The following ADGRG6 variants were observed in gnomAD, a reference collection of about 807,000 sequenced individuals.
ADGRG6 encodes the protein adhesion G protein-coupled receptor G6, also known as G-protein coupled receptor 126.
In ADGRG6, 84 loss-of-function variants were observed where a neutral mutation model predicts 142.4. That is an observed-to-expected ratio of 0.59 (90% CI 0.49 to 0.71). The LOEUF is 0.71. Among genes scored for constraint, ADGRG6 ranks in the 30% least tolerant of loss-of-function variants. The pLI is 0.00. For synonymous variants in ADGRG6, 521 were observed against 520.5 expected, an observed-to-expected ratio of 1.00 and a Z score of -0.01; for missense variants, 1,367 against 1,466.6, an observed-to-expected ratio of 0.93 and a Z score of 1.11.
chr6:142,317,701 A>AAT (rs991945261), intron 2 of ADGRG6, among the ~76,000 whole-genome samples: 5 of 114,716 alleles, frequency 4.4e-5, no homozygotes, highest in African/African-American at 1.1e-4. Flanking sequence ...TCATTCAGTA[A>AAT]ATATATATAT....
At chr6:142,429,925 G>C (rs3817929) in intron 22 of ADGRG6, among the ~76,000 whole-genome samples, 60,143 of 151,952 alleles carry the variant, frequency 0.4, 13,579 homozygotes, top group African/African-American at 0.62. Context: ...TAGTGGTGTG[G>C]CTGTATTCCT....
intron 1 of ADGRG6, among the ~76,000 whole-genome samples, chr6:142,304,653 A>G (rs563964525): frequency 3.9e-5 from 6 of 152,334 alleles, no homozygotes; most frequent in African/African-American, 1.4e-4. Flanking sequence ...TATTTTTCTA[A>G]TGGCCTATAT....
At chr6:142,354,102 T>A (rs1462450115) in intron 2 of ADGRG6, among the ~76,000 whole-genome samples, 2 of 152,218 alleles carry the variant, frequency 1.3e-5, no homozygotes, top group African/African-American at 4.8e-5. Flanking sequence ...GAATTATAGA[T>A]GTTTAATGTT....
rs189864305 is a variant in ADGRG6, at chr6:142,382,166, A to G, written c.1138+147A>G. 1,788 of 615,116 alleles carry G rather than the reference A, an allele frequency of 2.9e-3. 5 individuals are homozygous for G. The highest frequency in any genetic ancestry group is 3.9e-3 in the Non-Finnish European group (1,317 of 340,558). 38.1% of individuals were successfully genotyped at this position (615,116 alleles called of 1,614,324 possible). A position where few individuals can be genotyped will look rare whatever the true frequency, so the allele number is the denominator to read the frequency against. On this transcript the variant is annotated intron_variant, in intron 5 of 24. Transcript: ENST00000367609. ...ACAGAAGAATTTCTGCATGTGTTTTAGTTGTGTGGGTGCACAGTACGTACG... is the reference window on the plus strand; with the variant it reads ...ACAGAAGAATTTCTGCATGTGTTTTGGTTGTGTGGGTGCACAGTACGTACG...
At chr6:142,363,451 GAAAAATAAACTTGT>G (rs1432055664) in intron 2 of ADGRG6, among the ~76,000 whole-genome samples, 1 of 152,102 alleles carries the variant, frequency 6.6e-6, no homozygotes, top group Non-Finnish European at 1.5e-5. Flanking sequence ...GAGTTTCATT[GAAAAATAAACTTGT>G]AAAAATACGC....
chr6:142,310,007 T>G (rs970081724), intron 2 of ADGRG6, among the ~76,000 whole-genome samples: 1 of 151,844 alleles, frequency 6.6e-6, no homozygotes, highest in Admixed American at 6.6e-5. Flanking sequence ...CTTTTCAAGT[T>G]TTCATGTAGT....
At chr6:142,355,232 G>T (rs545452234) in intron 2 of ADGRG6, among the ~76,000 whole-genome samples, 1 of 151,236 alleles carries the variant, frequency 6.6e-6, no homozygotes, top group Non-Finnish European at 1.5e-5. Flanking sequence ...CAATTTTTCC[G>T]TAAGATGGAC....
chr6:142,421,594 A>C (rs1776655640), intron 22 of ADGRG6, among the ~76,000 whole-genome samples: 1 of 152,208 alleles, frequency 6.6e-6, no homozygotes, highest in African/African-American at 2.4e-5. Flanking sequence ...ATTGTATATA[A>C]AAGGCACATT....
At chr6:142,315,512 T>A (rs947340108) in intron 2 of ADGRG6, among the ~76,000 whole-genome samples, 2 of 152,014 alleles carry the variant, frequency 1.3e-5, no homozygotes, top group African/African-American at 4.8e-5. Flanking sequence ...ACAATGAGGA[T>A]CAAGTCACAT....
At position 142,415,068 on chromosome 6, in the gene ADGRG6, G is replaced by A. The variant is rs769954057; in HGVS notation, c.2641G>A (p.Ala881Thr). 7 of 1,611,316 alleles carry A rather than the reference G, an allele frequency of 4.3e-6. No homozygotes were observed. In the Admixed American group the frequency reaches 1.2e-4, roughly 27 times the overall value. Residue 881 changes from alanine to threonine, a missense_variant, in exon 19 of 25, where the codon GCA (alanine) becomes ACA (threonine). Ala to Thr is a moderately conservative substitution (Grantham distance 58). This residue lies in a region of ADGRG6 where 286 missense variants were observed against 371.4 expected (regional missense o/e 0.77). Coordinates refer to ENST00000367609, the MANE Select transcript of ADGRG6 (RefSeq NM_198569.3). ...TGGAATATCTGCTATTTTTTCAGCAGCAACTCTCCTGACATATGTTGCTTT... is the reference window on the plus strand; with the variant it reads ...TGGAATATCTGCTATTTTTTCAGCAACAACTCTCCTGACATATGTTGCTTT... ...GCGISAIFSA[A>T]TLLTYVAFEK...
intron 2 of ADGRG6, among the ~76,000 whole-genome samples, chr6:142,338,141 C>T (rs1381375867): frequency 6.7e-6 from 1 of 149,900 alleles, no homozygotes; most frequent in East Asian, 2.0e-4. Context: ...CTGCCTCAGC[C>T]TCCCGAGTAG....
At chr6:142,379,492 G>T (rs1781653330) in intron 4 of ADGRG6, among the ~76,000 whole-genome samples, 1 of 152,170 alleles carries the variant, frequency 6.6e-6, no homozygotes, top group Non-Finnish European at 1.5e-5. Context: ...CACAGGCCGG[G>T]CACGGTGGCT....
In ADGRG6 at chr6:142,420,019, C is replaced by T; in HGVS notation, c.3234C>T (p.Gly1078=). ...RSVVSLTFLL[G]MTWGFAFFAW... Reference sequence around the variant, plus strand: ...TGGTTAGCTTGACCTTTCTGTTGGGCATGACATGGGGTTTTGCATTCTTTG... The same window carrying T: ...TGGTTAGCTTGACCTTTCTGTTGGGTATGACATGGGGTTTTGCATTCTTTG... The change falls in exon 22 of 25, where the codon GGC becomes GGT. Residue 1078 remains glycine, a synonymous_variant. Coordinates refer to ENST00000367609, the MANE Select transcript of ADGRG6 (RefSeq NM_198569.3). The T allele has an allele frequency of 1.2e-6, 2 of 1,613,362 alleles. No homozygotes were observed. Among genetic ancestry groups the T allele is most frequent in the Non-Finnish European group, 1.7e-6 (2 of 1,179,402 alleles).
chr6:142,419,955 G>A lies in ADGRG6; in HGVS notation c.3170G>A (p.Arg1057Gln), dbSNP rs536714306. 118 of 1,613,476 alleles carry A rather than the reference G, an allele frequency of 7.3e-5. No homozygotes were observed. In the East Asian group the frequency reaches 1.4e-3, roughly 19 times the overall value. ...GGGAGGAATGGCAAGAGAAGCAACC[G>A]GACCCTGAGAGAAGAAGTGTTAAGG... ...ICGRNGKRSN[R>Q]TLREEVLRNL... Residue 1057 changes from arginine (R) to glutamine (Q), a missense_variant, in exon 22 of 25, where the codon CGG (arginine) becomes CAG (glutamine). Arg to Gln is a conservative substitution (Grantham distance 43). This residue lies in a region of ADGRG6 where 344 missense variants were observed against 348.7 expected (regional missense o/e 0.99). Transcript: ENST00000367609.
chr6:142,362,302 C>T (rs1780763757), intron 2 of ADGRG6, among the ~76,000 whole-genome samples: 1 of 152,148 alleles, frequency 6.6e-6, no homozygotes, highest in Non-Finnish European at 1.5e-5. Flanking sequence ...GCTCCTTATT[C>T]AGGGTGTTTC....
At chr6:142,433,214 T>C (rs141619361) in intron 22 of ADGRG6, among the ~76,000 whole-genome samples, 7 of 152,190 alleles carry the variant, frequency 4.6e-5, no homozygotes, top group Non-Finnish European at 8.8e-5. Context: ...CTTCCTTCTC[T>C]GGAGCTGCAG....
intron 22 of ADGRG6, among the ~76,000 whole-genome samples, chr6:142,425,073 G>T (rs1380339375): frequency 1.3e-5 from 2 of 152,178 alleles, no homozygotes; most frequent in East Asian, 3.8e-4. Context: ...CAACAAAAGT[G>T]CAGGATAGTG....
chr6:142,367,656 G>A lies in ADGRG6; in HGVS notation c.191G>A (p.Ser64Asn), dbSNP rs762553859. 6.8e-6 allele frequency: 11 copies of A among 1,613,648 alleles called. No homozygotes were observed. The African/African-American group carries it at 9.4e-5, about 14-fold the overall frequency. Residue 64 changes from serine to asparagine, a missense_variant, in exon 3 of 25, where the codon AGC (serine) becomes AAC (asparagine). This residue lies in a region of ADGRG6 where 737 missense variants were observed against 746.5 expected (regional missense o/e 0.99). Transcript: ENST00000367609. Reference sequence around the variant, plus strand: ...TGCTACCCTAACGACTACCCAAACAGCCAGGCTTGCATGTGGACGCTCCGA... The same window carrying A: ...TGCTACCCTAACGACTACCCAAACAACCAGGCTTGCATGTGGACGCTCCGA... ...SPCYPNDYPN[S>N]QACMWTLRAP...
At chr6:142,346,150 G>A (rs185270005) in intron 2 of ADGRG6, among the ~76,000 whole-genome samples, 29 of 152,140 alleles carry the variant, frequency 1.9e-4, no homozygotes, top group Admixed American at 1.8e-3. Flanking sequence ...TCATGAATTG[G>A]TCTAAGCATC....
Sources: allele counts gnomAD v4.1 joint callset (sites outside exome capture counted in the v4.1 genomes callset), GRCh38; gene constraint gnomAD v4.1.1; regional missense constraint gnomAD v4.1.1; transcripts MANE v1.5; gene names NCBI Gene and HGNC (gene_info 2026-07-23, HGNC 2026-07-21).